The following CLDN10 variants were observed in gnomAD, a reference collection of about 807,000 sequenced individuals.
The protein encoded by CLDN10 is claudin-10.
A neutral mutation model predicts 22.9 loss-of-function variants in CLDN10; 15 were observed. The observed-to-expected ratio is 0.65, with a 90% confidence interval of 0.44 to 1.01. The LOEUF is 1.01. Ranked by LOEUF, CLDN10 falls within the 50% of genes least tolerant of loss-of-function variation. CLDN10 has a pLI of 0.00. For synonymous variants in CLDN10, 114 were observed against 111.4 expected (o/e 1.02, Z -0.15); for missense variants, 247 against 287.8 (o/e 0.86, Z 1.03).
At chr13:95,494,734 T>G (rs1387688362) in intron 1 of CLDN10, among the ~76,000 whole-genome samples, 6 of 152,184 alleles carry the variant, frequency 3.9e-5, no homozygotes, top group Non-Finnish European at 1.5e-5. Flanking sequence ...TCCTCTAGCG[T>G]GTTCTGAAGA....
chr13:95,477,960 A>T (rs1214208898), intron 1 of CLDN10, among the ~76,000 whole-genome samples: 1 of 152,190 alleles, frequency 6.6e-6, no homozygotes, highest in Non-Finnish European at 1.5e-5. Flanking sequence ...CTTTTGCCTA[A>T]AACAGTGGTT....
At chr13:95,520,451 G>A (rs1594583711) in intron 1 of CLDN10, among the ~76,000 whole-genome samples, 1 of 152,212 alleles carries the variant, frequency 6.6e-6, no homozygotes, top group South Asian at 2.1e-4. Context: ...TTGGCTCACT[G>A]CAACCTCTGC....
Position 95,433,986 on chromosome 13 carries a change from C to A in CLDN10, c.153C>A (p.Cys51Ter). Residue 51 changes from cysteine to a stop codon, truncating the protein, a stop_gained, in exon 1 of 5, where the codon TGC (cysteine) becomes TGA (stop). Transcript: ENST00000376873. LOFTEE classifies it high-confidence loss of function. ...TTTACCAGGGTCTGTGGATGAACTGCGCAGGTAACGCGTTGGGTTCTTTCC... is the reference window on the plus strand; with the variant it reads ...TTTACCAGGGTCTGTGGATGAACTGAGCAGGTAACGCGTTGGGTTCTTTCC... 6.2e-7 allele frequency: 1 copy of A among 1,614,192 alleles called. No individual in the cohort carries two copies.
At chr13:95,462,720 A>C (rs1384112370) in intron 1 of CLDN10, among the ~76,000 whole-genome samples, 1 of 151,888 alleles carries the variant, frequency 6.6e-6, no homozygotes, top group Non-Finnish European at 1.5e-5. Flanking sequence ...ATGGTAGCCA[A>C]GTTCCACCTC....
At chr13:95,574,875 C>T (rs924994031) in intron 3 of CLDN10, among the ~76,000 whole-genome samples, 1 of 152,154 alleles carries the variant, frequency 6.6e-6, no homozygotes, top group Non-Finnish European at 1.5e-5. Flanking sequence ...TTCAATATGG[C>T]TTAACATAGA....
intron 1 of CLDN10, 140 bp from the exon 2 acceptor site, chr13:95,559,992 C>G: frequency 7.5e-6 from 6 of 801,616 alleles, no homozygotes; most frequent in Non-Finnish European, 9.9e-6. Context: ...GCTTTCCTTT[C>G]TTGCTTGTCT....
At chr13:95,434,886 T>A (rs567266782) in intron 1 of CLDN10, among the ~76,000 whole-genome samples, 1 of 152,206 alleles carries the variant, frequency 6.6e-6, no homozygotes, top group East Asian at 1.9e-4. Context: ...TTAATGTTTG[T>A]CACAGCCTAG....
intron 1 of CLDN10, among the ~76,000 whole-genome samples, chr13:95,499,043 T>A (rs2138533687): frequency 6.6e-6 from 1 of 152,368 alleles, no homozygotes; most frequent in South Asian, 2.1e-4. Flanking sequence ...TGTTGTAGCA[T>A]GAGTCAGAGC....
intron 1 of CLDN10, among the ~76,000 whole-genome samples, chr13:95,503,177 T>C (rs1594569715): frequency 1.3e-5 from 2 of 152,222 alleles, no homozygotes; most frequent in African/African-American, 4.8e-5. Context: ...AATATTTTGA[T>C]CTCAAGACAG....
intron 1 of CLDN10, among the ~76,000 whole-genome samples, chr13:95,461,881 T>G (rs2042539763): frequency 6.6e-6 from 1 of 151,974 alleles, no homozygotes; most frequent in Non-Finnish European, 1.5e-5. Flanking sequence ...CACTTGAGGC[T>G]AGGAGTTCAA....
chr13:95,547,607 G>A lies in CLDN10; in HGVS notation c.215-12525G>A, dbSNP rs746005993. On this transcript the variant is annotated intron_variant, in intron 1 of 4. Coordinates refer to the CLDN10 transcript ENST00000376873. ...GAAAGAAGCTGTCATTTAGTCCCAC[G>A]TTATACTTGAAGAAGTGATGCTGAG... 2.4e-4 allele frequency among the ~76,000 whole-genome samples: 36 copies of A among 152,138 alleles called. 1 individual carries two copies. The highest frequency in any genetic ancestry group is 7.2e-4 in the African/African-American group (30 of 41,430).
intron 1 of CLDN10, among the ~76,000 whole-genome samples, chr13:95,509,762 G>T (rs74977968): frequency 0.02 from 3,075 of 152,114 alleles, 38 homozygotes; most frequent in Non-Finnish European, 0.032. Context: ...TCTTCTTGAT[G>T]GTCATTGGTG....
chr13:95,438,461 G>A (rs2042293658), intron 1 of CLDN10, among the ~76,000 whole-genome samples: 2 of 152,150 alleles, frequency 1.3e-5, no homozygotes, highest in Admixed American at 6.5e-5. Context: ...GTTCCTGACT[G>A]TTTACAGTCT....
intron 1 of CLDN10, among the ~76,000 whole-genome samples, chr13:95,512,114 G>T (rs1427305529): frequency 1.4e-4 from 6 of 44,010 alleles, no homozygotes; most frequent in Admixed American, 2.8e-4. Context: ...GACAAAGATC[G>T]TCTCTCCTTT....
chr13:95,433,933 G>A (rs1487772163), exon 1 of CLDN10: 1 of 1,614,212 alleles, frequency 6.2e-7, no homozygotes, highest in Non-Finnish European at 8.5e-7. Flanking sequence ...GACCACGCGA[G>A]CCTCCTCGGT....
At chr13:95,565,532 G>T (rs947918218) in intron 3 of CLDN10, among the ~76,000 whole-genome samples, 2 of 152,128 alleles carry the variant, frequency 1.3e-5, no homozygotes, top group African/African-American at 2.4e-5. Flanking sequence ...TTCCTGGCAT[G>T]TATTTGGTTT....
intron 1 of CLDN10, among the ~76,000 whole-genome samples, chr13:95,471,453 A>ATATATTTTTTTT (rs776857009): frequency 9.4e-6 from 1 of 106,390 alleles, no homozygotes; most frequent in African/African-American, 4.0e-5. Context: ...ATATATATAT[A>ATATATTTTTTTT]TTTTTTTTTT....
At chr13:95,518,568 C>T (rs1026663516) in intron 1 of CLDN10, among the ~76,000 whole-genome samples, 3 of 152,038 alleles carry the variant, frequency 2.0e-5, no homozygotes, top group Non-Finnish European at 4.4e-5. Context: ...CGAGCCTGGC[C>T]AACATGGTGA....
chr13:95,560,388 G>GTTAGCACA lies in CLDN10; in HGVS notation c.389_390insTTAGCACA (p.Ser131Ter). 1 of 1,613,978 alleles carries GTTAGCACA rather than the reference G, an allele frequency of 6.2e-7. No homozygotes were observed. The highest frequency in any genetic ancestry group is 8.5e-7 in the Non-Finnish European group (1 of 1,179,866). ...TCCCTCTAATATTTGTTAGGGCTGT[G>GTTAGCACA]CTCAATGACTGGATGTTCCCTATAT... On this transcript the variant is annotated stop_gained and frameshift_variant, in exon 3 of 5. Transcript: ENST00000299339. LOFTEE classifies it high-confidence loss of function.
Sources: allele counts gnomAD v4.1 joint callset (sites outside exome capture counted in the v4.1 genomes callset), GRCh38; gene constraint gnomAD v4.1.1; transcripts MANE v1.5; gene names NCBI Gene and HGNC (gene_info 2026-07-23, HGNC 2026-07-21).